FAT1: variants seen among roughly 807,000 people sequenced by gnomAD.
FAT1 encodes protocadherin Fat 1.
FAT1 carries 171 observed loss-of-function variants against 329.8 expected under a neutral mutation model. That is an observed-to-expected ratio of 0.52 (90% CI 0.46 to 0.59). FAT1 has a LOEUF of 0.59. Ranked by LOEUF, FAT1 falls within the 20% of genes least tolerant of loss-of-function variation. The pLI, the probability that FAT1 is intolerant of heterozygous loss-of-function variation, is 0.00. For synonymous variants in FAT1, 2,233 were observed against 2,228.6 expected, an observed-to-expected ratio of 1.00 and a Z score of -0.06; for missense variants, 5,672 against 5,774.4, an observed-to-expected ratio of 0.98 and a Z score of 0.57.
intron 1 of FAT1, among the ~76,000 whole-genome samples, chr4:186,714,154 C>T (rs894516152): frequency 6.6e-6 from 1 of 152,152 alleles, no homozygotes. Context: ...AGGGCAGAAG[C>T]TGGAGGGCGA....
intron 7 of FAT1, among the ~76,000 whole-genome samples, chr4:186,632,242 A>C (rs1465584751): frequency 6.6e-6 from 1 of 152,190 alleles, no homozygotes; most frequent in Non-Finnish European, 1.5e-5. Context: ...ATTGGGAAAG[A>C]GGTGCACTGT....
At chr4:186,651,589 G>A (rs984415163) in intron 3 of FAT1, among the ~76,000 whole-genome samples, 1 of 152,176 alleles carries the variant, frequency 6.6e-6, no homozygotes, top group African/African-American at 2.4e-5. Context: ...ATAAGGACCT[G>A]AGCCAACACT....
chr4:186,651,030 A>C (rs1741616924), intron 3 of FAT1, among the ~76,000 whole-genome samples: 1 of 150,202 alleles, frequency 6.7e-6, no homozygotes, highest in Non-Finnish European at 1.5e-5. Context: ...TAAATAATTA[A>C]ATAATTTATT....
At chr4:186,639,154 T>C (rs1055123792) in intron 4 of FAT1, among the ~76,000 whole-genome samples, 1 of 152,234 alleles carries the variant, frequency 6.6e-6, no homozygotes, top group Non-Finnish European at 1.5e-5. Flanking sequence ...TTATTAGAAC[T>C]TTCTAGAAGA....
Position 186,614,262 on chromosome 4 carries a change from C to A in FAT1, c.9158G>T (p.Arg3053Leu), listed in dbSNP as rs756123882. ...MQISATDADI[R>L]SNAEITYTLL... ...CGTGTAAGTAATTTCAGCGTTAGAG[C>A]GGATGTCTGCGTCTGTAGCAGAGAT... The change falls in exon 12 of 27, where the codon CGC becomes CTC. Residue 3053 changes from arginine to leucine, a missense_variant. By Grantham distance (102) the Arg-to-Leu change is moderately radical. This residue lies in a region of FAT1 where 3,966 missense variants were observed against 3,915.2 expected (regional missense o/e 1.01). Coordinates refer to ENST00000441802, the MANE Select transcript of FAT1 (RefSeq NM_005245.4). The A allele has an allele frequency of 6.2e-7, 1 of 1,602,920 alleles. No homozygotes were observed. The highest frequency in any genetic ancestry group is 8.5e-7 in the Non-Finnish European group (1 of 1,176,334).
In FAT1 at chr4:186,597,032, A is replaced by G. The variant is rs754134795; in HGVS notation, c.12508T>C (p.Tyr4170His). 1.2e-6 allele frequency: 2 copies of G among 1,613,852 alleles called. No individual in the cohort carries two copies. The highest frequency in any genetic ancestry group is 1.7e-6 in the Non-Finnish European group (2 of 1,179,884). ...CCAATGTTCCACGGCGTGGACACAT[A>G]CTGGTTGGGCGCAGCATCCTCGCAG... is the stretch of plus-strand genomic sequence containing the variant. ...RHCEDAAPNQ[Y>H]VSTPWNIGLA... is the part of the protein sequence containing the mutation. Residue 4170 changes from tyrosine (Y) to histidine (H), a missense_variant, in exon 25 of 27, where the codon TAT becomes CAT. This residue lies in a region of FAT1 where 1,706 missense variants were observed against 1,859.1 expected (regional missense o/e 0.92). Transcript: ENST00000441802.
intron 21 of FAT1, among the ~76,000 whole-genome samples, chr4:186,600,754 A>C (rs992673691): frequency 2.0e-5 from 3 of 152,254 alleles, no homozygotes; most frequent in Non-Finnish European, 4.4e-5. Flanking sequence ...CTTGTCGCCC[A>C]GGCTGGAGTG....
chr4:186,612,897 C>T (rs1443712311), intron 13 of FAT1, among the ~76,000 whole-genome samples: 1 of 152,146 alleles, frequency 6.6e-6, no homozygotes, highest in African/African-American at 2.4e-5. Flanking sequence ...TTAGAGACCT[C>T]ACAGCAGTAG....
chr4:186,683,835 A>G (rs767437708), intron 2 of FAT1, among the ~76,000 whole-genome samples: 4 of 152,192 alleles, frequency 2.6e-5, no homozygotes, highest in South Asian at 2.1e-4. Context: ...AGAGATCCCT[A>G]TGAAAAATGT....
intron 13 of FAT1, among the ~76,000 whole-genome samples, chr4:186,612,763 GC>G (rs1739507072): frequency 6.6e-6 from 1 of 152,134 alleles, no homozygotes; most frequent in African/African-American, 2.4e-5. Context: ...TAAAGCATTT[GC>G]TTCCATTATG....
At position 186,620,393 on chromosome 4, in the gene FAT1, C is replaced by T. The variant is rs1165941519; in HGVS notation, c.6193G>A (p.Val2065Ile). ...EEHKPSAVAH[V>I]VVKVIVEDQN... Reference sequence around the variant, plus strand: ...TCTTCTACAATGACCTTCACGACAACGTGGGCCACTGCAGAAGGCTTATGT... The same window carrying T: ...TCTTCTACAATGACCTTCACGACAATGTGGGCCACTGCAGAAGGCTTATGT... The change falls in exon 10 of 27, where the codon GTT becomes ATT. Residue 2065 changes from valine (V) to isoleucine (I), a missense_variant. Physicochemically the swap from Val to Ile is conservative, Grantham distance 29. Transcript: ENST00000441802. 10 of 1,613,886 alleles carry T rather than the reference C, an allele frequency of 6.2e-6. No homozygotes were observed. Among genetic ancestry groups the T allele is most frequent in the Admixed American group, 3.3e-5 (2 of 60,004 alleles).
Position 186,596,569 on chromosome 4 carries a change from T to C in FAT1, c.12971A>G (p.Gln4324Arg). Reference protein sequence around the residue: ...SNSPSDSDSIQKPSWDFDYDT... With the variant: ...SNSPSDSDSIRKPSWDFDYDT... ...ATAGTCAAAGTCCCAGCTAGGCTTC[T>C]GGATGGAGTCGCTGTCAGAAGGGGA... The change falls in exon 25 of 27, where the codon CAG (glutamine) becomes CGG (arginine). Residue 4324 changes from glutamine (Q) to arginine (R), a missense_variant. Physicochemically the swap from Gln to Arg is conservative, Grantham distance 43 (BLOSUM62 1). This residue lies in a region of FAT1 where 1,706 missense variants were observed against 1,859.1 expected (regional missense o/e 0.92). Coordinates refer to ENST00000441802, the MANE Select transcript of FAT1 (RefSeq NM_005245.4). This position sits in a 1 kb window ranked among gnomAD's most constrained non-coding sequence, Gnocchi z 4.7. The C allele has an allele frequency of 6.2e-7, 1 of 1,613,044 alleles. No individual in the cohort carries two copies. Among genetic ancestry groups the C allele is most frequent in the Non-Finnish European group, 8.5e-7 (1 of 1,179,654 alleles).
In FAT1 at chr4:186,601,382, G is replaced by A. The variant is rs1219539820; in HGVS notation, c.11527C>T (p.Arg3843Cys). 6.2e-6 allele frequency: 10 copies of A among 1,612,932 alleles called. No homozygotes were observed. Among genetic ancestry groups the A allele is most frequent in the East Asian group, 2.2e-5 (1 of 44,876 alleles). ...TLTGNSYVKY[R>C]LTENENKLEM... is the part of the protein sequence containing the mutation. ...AATTTGTTTTCATTTTCCGTCAGACGGTATTTCACGTAGCTGTTTCCAGTC... is the reference window on the plus strand; with the variant it reads ...AATTTGTTTTCATTTTCCGTCAGACAGTATTTCACGTAGCTGTTTCCAGTC... Residue 3843 changes from arginine to cysteine, a missense_variant, in exon 21 of 27, where the codon CGT (arginine) becomes TGT (cysteine). Physicochemically the swap from Arg to Cys is radical, Grantham distance 180 (BLOSUM62 -3). Coordinates refer to ENST00000441802, the MANE Select transcript of FAT1 (RefSeq NM_005245.4).
At chr4:186,702,059 T>A (rs1438015478) in intron 2 of FAT1, among the ~76,000 whole-genome samples, 1 of 151,406 alleles carries the variant, frequency 6.6e-6, no homozygotes, top group African/African-American at 2.4e-5. Flanking sequence ...GACACAGGGA[T>A]GAGGCCAGGA....
At chr4:186,687,142 G>C (rs530101639) in intron 2 of FAT1, among the ~76,000 whole-genome samples, 19 of 152,246 alleles carry the variant, frequency 1.2e-4, no homozygotes, top group African/African-American at 4.6e-4. Context: ...AGTTAAATCA[G>C]AGAATATGAT....
At position 186,619,361 on chromosome 4, in the gene FAT1, C is replaced by T. The variant is rs769335147; in HGVS notation, c.7225G>A (p.Val2409Met). Residue 2409 changes from valine to methionine, a missense_variant, in exon 10 of 27, where the codon GTG becomes ATG. Val to Met is a conservative substitution (Grantham distance 21). Around this residue, in one of 2 missense-constraint regions of FAT1, gnomAD observed 3,966 missense variants for 3,915.2 expected, o/e 1.01. Coordinates refer to ENST00000441802, the MANE Select transcript of FAT1 (RefSeq NM_005245.4). ...ISEHAPHGHFVTCVKAYDADS... is the reference protein window; with the variant it reads ...ISEHAPHGHFMTCVKAYDADS... ...GCATCATAGGCTTTTACACAGGTCACGAAATGCCCATGAGGGGCGTGCTCG... is the reference window on the plus strand; with the variant it reads ...GCATCATAGGCTTTTACACAGGTCATGAAATGCCCATGAGGGGCGTGCTCG... 6.8e-5 allele frequency: 110 copies of T among 1,613,864 alleles called. No homozygotes were observed. Among genetic ancestry groups the T allele is most frequent in the Admixed American group, 3.3e-5 (2 of 60,006 alleles).
chr4:186,657,550 A>G (rs892836336), intron 3 of FAT1, among the ~76,000 whole-genome samples: 2 of 152,152 alleles, frequency 1.3e-5, no homozygotes, highest in African/African-American at 2.4e-5. Context: ...GGGTGTGGTC[A>G]CTGCCTGATA....
intron 2 of FAT1, among the ~76,000 whole-genome samples, chr4:186,696,912 T>C (rs2126668521): frequency 6.6e-6 from 1 of 152,292 alleles, no homozygotes; most frequent in East Asian, 1.9e-4. Context: ...TAATCCCAGC[T>C]ACTTGGGAGG....
At position 186,628,141 on chromosome 4, in the gene FAT1, G is replaced by C. The variant is rs2126541389; in HGVS notation, c.4810+13C>G. On this transcript the variant is annotated intron_variant, in intron 9 of 26. Coordinates refer to ENST00000441802, the MANE Select transcript of FAT1 (RefSeq NM_005245.4). ...CTGCAAATTTAAAATGCCACTGAAG[G>C]CTCCAAAAGTACCTGACTCGATCGA... is the stretch of plus-strand genomic sequence containing the variant. The C allele has an allele frequency of 6.2e-7, 1 of 1,611,834 alleles. No individual in the cohort carries two copies. Among genetic ancestry groups the C allele is most frequent in the Non-Finnish European group, 8.5e-7 (1 of 1,178,876 alleles).
Sources: allele counts gnomAD v4.1 joint callset (sites outside exome capture counted in the v4.1 genomes callset), GRCh38; gene constraint gnomAD v4.1.1; regional missense constraint gnomAD v4.1.1; non-coding constraint Gnocchi (gnomAD v3.1); transcripts MANE v1.5; gene names NCBI Gene and HGNC (gene_info 2026-07-23, HGNC 2026-07-21).